ATRNL1: variants seen among roughly 807,000 people sequenced by gnomAD.
ATRNL1 encodes attractin like 1, also known as attractin-like protein 1.
ATRNL1 carries 95 observed loss-of-function variants against 182.7 expected under a neutral mutation model. That is an observed-to-expected ratio of 0.52 (90% CI 0.44 to 0.62). ATRNL1 has a LOEUF of 0.62. ATRNL1 is among the 20% of genes least tolerant of loss of function. The pLI is 0.00. For synonymous variants in ATRNL1, 576 were observed against 568.3 expected (o/e 1.01, Z -0.19); for missense variants, 1,471 against 1,679.5 (o/e 0.88, Z 2.17).
Position 115,791,925 on chromosome 10 carries a change from T to G in ATRNL1, c.3904-55952T>G, listed in dbSNP as rs139887720. ...TAAATAGTTATAGAGTTTCTGCTAT[T>G]TGTTACCTATTCTAGTAACAGAAAA... On this transcript the variant is annotated intron_variant, in intron 27 of 28. Coordinates refer to ENST00000355044, the MANE Select transcript of ATRNL1 (RefSeq NM_207303.4). Among the ~76,000 whole-genome samples, 348 of 152,328 alleles carry G rather than the reference T, an allele frequency of 2.3e-3. 1 individual carries two copies. Among genetic ancestry groups the G allele is most frequent in the African/African-American group, 8.0e-3 (334 of 41,592 alleles).
At chr10:115,230,634 A>T (rs76077092) in intron 9 of ATRNL1, among the ~76,000 whole-genome samples, 1,881 of 152,232 alleles carry the variant, frequency 0.012, 18 homozygotes, top group Non-Finnish European at 0.021. Context: ...GACTTATCTG[A>T]CATATGTGAC....
intron 20 of ATRNL1, among the ~76,000 whole-genome samples, chr10:115,397,866 T>C (rs1449690479): frequency 9.9e-5 from 15 of 151,952 alleles, no homozygotes; most frequent in Admixed American, 9.2e-4. Context: ...CTTGAAACCA[T>C]TGGAGAACTG....
intron 5 of ATRNL1, among the ~76,000 whole-genome samples, chr10:115,132,884 G>C (rs530407267): frequency 9.9e-5 from 15 of 152,142 alleles, no homozygotes; most frequent in South Asian, 4.1e-4. Context: ...TGTAGGTTGC[G>C]TTTTCACTCT....
intron 19 of ATRNL1, among the ~76,000 whole-genome samples, chr10:115,360,775 A>C (rs1856708968): frequency 6.6e-6 from 1 of 151,800 alleles, no homozygotes; most frequent in Non-Finnish European, 1.5e-5. Context: ...CTTAGTCTTT[A>C]ACCTGGGTAA....
At chr10:115,356,666 C>CT (rs1856517783) in intron 19 of ATRNL1, among the ~76,000 whole-genome samples, 1 of 151,832 alleles carries the variant, frequency 6.6e-6, no homozygotes, top group Non-Finnish European at 1.5e-5. Flanking sequence ...TTTGCCATGG[C>CT]TTTATCAAAC....
At chr10:115,137,510 C>T (rs2143787390) in intron 5 of ATRNL1, among the ~76,000 whole-genome samples, 1 of 152,296 alleles carries the variant, frequency 6.6e-6, no homozygotes, top group East Asian at 1.9e-4. Context: ...ACTTACAATT[C>T]CACATGGCTG....
intron 28 of ATRNL1, among the ~76,000 whole-genome samples, chr10:115,924,599 T>C (rs868942054): frequency 1.3e-5 from 2 of 152,176 alleles, no homozygotes; most frequent in African/African-American, 4.8e-5. Context: ...TTCTGTTCTA[T>C]TGGTCTATAT....
chr10:115,502,361 T>A (rs1554980284), intron 24 of ATRNL1, among the ~76,000 whole-genome samples: 3 of 152,138 alleles, frequency 2.0e-5, no homozygotes, highest in South Asian at 2.1e-4. Context: ...TTTGGAAAGT[T>A]TGTTAAATAT....
At chr10:115,486,000 G>A (rs138555476) in intron 24 of ATRNL1, among the ~76,000 whole-genome samples, 4,762 of 151,558 alleles carry the variant, frequency 0.031, 243 homozygotes, top group African/African-American at 0.11. Context: ...GCGGTGCTTG[G>A]TTTTCTGTTC....
intron 18 of ATRNL1, among the ~76,000 whole-genome samples, chr10:115,330,414 A>G (rs1163148380): frequency 1.3e-5 from 2 of 151,408 alleles, no homozygotes; most frequent in African/African-American, 4.9e-5. Context: ...TAGGATTATT[A>G]TTTTTTCTTT....
intron 26 of ATRNL1, among the ~76,000 whole-genome samples, chr10:115,559,456 G>A (rs12358856): frequency 6.8e-6 from 1 of 147,704 alleles, no homozygotes; most frequent in African/African-American, 2.6e-5. Flanking sequence ...GCGCGCGCAC[G>A]CACGCACATG....
intron 28 of ATRNL1, among the ~76,000 whole-genome samples, chr10:115,926,596 G>A (rs1284880829): frequency 6.6e-6 from 1 of 152,052 alleles, no homozygotes; most frequent in East Asian, 1.9e-4. Context: ...TGACCTCACA[G>A]ACATACAAAC....
chr10:115,357,976 C>T (rs1407246071), intron 19 of ATRNL1, among the ~76,000 whole-genome samples: 1 of 151,510 alleles, frequency 6.6e-6, no homozygotes, highest in African/African-American at 2.4e-5. Context: ...TCCATCTTTT[C>T]CCTCTGCCAG....
intron 24 of ATRNL1, among the ~76,000 whole-genome samples, chr10:115,500,298 A>G (rs1387810651): frequency 3.9e-5 from 6 of 152,222 alleles, no homozygotes; most frequent in African/African-American, 7.2e-5. Flanking sequence ...TATGGGGAAA[A>G]AATAAGGAAA....
intron 27 of ATRNL1, among the ~76,000 whole-genome samples, chr10:115,838,689 T>C (rs1184799591): frequency 1.3e-5 from 2 of 152,190 alleles, no homozygotes; most frequent in African/African-American, 4.8e-5. Context: ...AAAGCTGATG[T>C]TCATAATGTT....
rs1262133770 is a variant in ATRNL1 at position 115,946,822 on chromosome 10, A to T, written c.*2043A>T. On this transcript the variant is annotated 3_prime_UTR_variant, in exon 29 of 29. Transcript: ENST00000355044. ...TCATTTTTTAAAAAGTGATTGCCCAATGTATTTCTCTAACAATTGTCACAA... is the reference window on the plus strand; with the variant it reads ...TCATTTTTTAAAAAGTGATTGCCCATTGTATTTCTCTAACAATTGTCACAA... The T allele has an allele frequency of 6.6e-6, 1 of 152,196 alleles. No homozygotes were observed. The highest frequency in any genetic ancestry group is 1.9e-4 in the East Asian group (1 of 5,206). The allele number at this position is 152,196 out of a possible 1,614,324, so 9.4% of individuals were successfully genotyped here. A position where few individuals can be genotyped will look rare whatever the true frequency, so the allele number is the denominator to read the frequency against.
chr10:115,766,038 T>G (rs1555074980), intron 27 of ATRNL1, among the ~76,000 whole-genome samples: 1 of 152,182 alleles, frequency 6.6e-6, no homozygotes, highest in Non-Finnish European at 1.5e-5. Context: ...TCTTTATTGC[T>G]TTCATTATCA....
At chr10:115,181,714 TG>T (rs1847753279) in intron 8 of ATRNL1, among the ~76,000 whole-genome samples, 1 of 151,694 alleles carries the variant, frequency 6.6e-6, no homozygotes, top group African/African-American at 2.4e-5. Context: ...GATGCCACAG[TG>T]AAAAAAACTG....
At chr10:115,816,220 T>C (rs541764158) in intron 27 of ATRNL1, among the ~76,000 whole-genome samples, 3 of 152,290 alleles carry the variant, frequency 2.0e-5, no homozygotes, top group East Asian at 3.9e-4. Context: ...ATCTGCCAAC[T>C]GCAGTTTGTC....
Sources: allele counts gnomAD v4.1 joint callset (sites outside exome capture counted in the v4.1 genomes callset), GRCh38; gene constraint gnomAD v4.1.1; transcripts MANE v1.5; gene names NCBI Gene and HGNC (gene_info 2026-07-23, HGNC 2026-07-21).